SHISA9: variants seen among roughly 807,000 people sequenced by gnomAD.
SHISA9 encodes the protein protein shisa-9.
Under a neutral mutation model 38.0 loss-of-function variants are expected in SHISA9, and 13 were observed. The observed-to-expected ratio is 0.34, with a 90% CI of 0.22 to 0.54. SHISA9 has a LOEUF of 0.54. SHISA9 is among the 20% of genes least tolerant of loss of function. The pLI is 0.91. For synonymous variants in SHISA9, 275 were observed against 242.0 expected, an observed-to-expected ratio of 1.14 and a Z score of -1.27; for missense variants, 538 against 575.8, an observed-to-expected ratio of 0.93 and a Z score of 0.67.
At chr16:13,308,142 A>T in the SHISA9 span, among the ~76,000 whole-genome samples, 1 of 152,194 alleles carries the variant, frequency 6.6e-6, no homozygotes, top group East Asian at 1.9e-4. Flanking sequence ...CCACATGAGT[A>T]ATAGGACAGT....
the SHISA9 span, among the ~76,000 whole-genome samples, chr16:13,545,432 T>A: frequency 6.6e-6 from 1 of 152,192 alleles, no homozygotes; most frequent in East Asian, 1.9e-4. Flanking sequence ...TTTGAGCCAG[T>A]GAGCTAAAAC....
chr16:13,184,274 T>C (rs1461973461), intron 2 of SHISA9, among the ~76,000 whole-genome samples: 1 of 152,144 alleles, frequency 6.6e-6, no homozygotes, highest in African/African-American at 2.4e-5. Flanking sequence ...CCAGACTCTA[T>C]CACCGCTGGG....
chr16:13,258,419 G>A, the SHISA9 span: 2 of 152,168 alleles, frequency 1.3e-5, no homozygotes, highest in Non-Finnish European at 2.9e-5. Flanking sequence ...GTTGGTGAAG[G>A]ATATGGCATA....
chr16:12,934,673 A>G (rs923956644), intron 2 of SHISA9, among the ~76,000 whole-genome samples: 1 of 152,160 alleles, frequency 6.6e-6, no homozygotes, highest in Non-Finnish European at 1.5e-5. Flanking sequence ...AGTTTGCCCT[A>G]TGGACATTTC....
the SHISA9 span, among the ~76,000 whole-genome samples, chr16:13,333,963 G>A: frequency 2.0e-5 from 3 of 152,120 alleles, no homozygotes; most frequent in East Asian, 1.9e-4. Flanking sequence ...CTACAGCCAC[G>A]GAAGCTAAAA....
intron 1 of SHISA9, among the ~76,000 whole-genome samples, chr16:12,905,286 C>G (rs954243968): frequency 2.4e-4 from 37 of 152,186 alleles, no homozygotes; most frequent in African/African-American, 7.7e-4. Flanking sequence ...TTATGCATTA[C>G]CAGTCTCCTG....
intron 4 of SHISA9, among the ~76,000 whole-genome samples, chr16:13,225,207 C>T (rs1483415312): frequency 6.6e-6 from 1 of 152,162 alleles, no homozygotes; most frequent in Non-Finnish European, 1.5e-5. Context: ...CCAGCAACCA[C>T]CAGAAATTCG....
chr16:12,930,151 T>G (rs1308239512), intron 2 of SHISA9, among the ~76,000 whole-genome samples: 1 of 152,238 alleles, frequency 6.6e-6, no homozygotes, highest in Non-Finnish European at 1.5e-5. Flanking sequence ...CACTCCCTAC[T>G]GTATTCCCAG....
the SHISA9 span, among the ~76,000 whole-genome samples, chr16:13,376,519 G>T: frequency 6.6e-6 from 1 of 152,124 alleles, no homozygotes; most frequent in Admixed American, 6.6e-5. Flanking sequence ...AACCAGAGCT[G>T]TTTTTTTCCA....
At chr16:13,549,244 G>A in the SHISA9 span, among the ~76,000 whole-genome samples, 1 of 152,170 alleles carries the variant, frequency 6.6e-6, no homozygotes, top group Non-Finnish European at 1.5e-5. Context: ...GGGAGATGTA[G>A]GTCAGTGGGT....
At chr16:13,250,928 G>A in the SHISA9 span, among the ~76,000 whole-genome samples, 4 of 152,170 alleles carry the variant, frequency 2.6e-5, no homozygotes, top group Non-Finnish European at 5.9e-5. Flanking sequence ...ACACTTTGGG[G>A]ATTCTGATGC....
chr16:13,112,011 C>T (rs1002868861), intron 2 of SHISA9, among the ~76,000 whole-genome samples: 2 of 152,180 alleles, frequency 1.3e-5, no homozygotes, highest in African/African-American at 2.4e-5. Context: ...GTCTGTCTGA[C>T]TTTCGGGCCT....
the SHISA9 span, among the ~76,000 whole-genome samples, chr16:13,415,686 AAAACAG>A: frequency 6.6e-6 from 1 of 152,232 alleles, no homozygotes; most frequent in South Asian, 2.1e-4. Flanking sequence ...TAATATCTAG[AAAACAG>A]AATGGATTAT....
chr16:13,352,986 G>A, the SHISA9 span, among the ~76,000 whole-genome samples: 208 of 152,310 alleles, frequency 1.4e-3, no homozygotes, highest in African/African-American at 4.6e-3. Flanking sequence ...CCATCTGGGC[G>A]TATATGAGCC....
chr16:13,247,330 T>G, the SHISA9 span, among the ~76,000 whole-genome samples: 4 of 152,304 alleles, frequency 2.6e-5, no homozygotes, highest in South Asian at 8.3e-4. Context: ...TCAATCATCT[T>G]AATTAAACTT....
intron 2 of SHISA9, among the ~76,000 whole-genome samples, chr16:13,058,204 ATTTGGC>A (rs1420200685): frequency 1.3e-5 from 2 of 152,072 alleles, no homozygotes; most frequent in African/African-American, 4.8e-5. Flanking sequence ...GTGAATAACA[ATTTGGC>A]TTGCTTATTG....
At chr16:13,553,283 A>T in the SHISA9 span, among the ~76,000 whole-genome samples, 3 of 152,318 alleles carry the variant, frequency 2.0e-5, no homozygotes, top group African/African-American at 7.2e-5. Context: ...AGATTACTTG[A>T]CTAAGATGAC....
At chr16:12,920,786 A>C (rs756509694) in intron 2 of SHISA9, among the ~76,000 whole-genome samples, 9 of 152,182 alleles carry the variant, frequency 5.9e-5, no homozygotes, top group Non-Finnish European at 1.2e-4. Flanking sequence ...TTTTAGCTAA[A>C]CTGTAGACAT....
At chr16:12,914,272 C>G (rs1168858144) in intron 1 of SHISA9, among the ~76,000 whole-genome samples, 1 of 151,996 alleles carries the variant, frequency 6.6e-6, no homozygotes, top group Non-Finnish European at 1.5e-5. Context: ...TCTCGAACTC[C>G]TGACCTCGTG....
Sources: gnomAD v4.1 joint callset for allele counts (sites outside exome capture counted in the v4.1 genomes callset) on GRCh38, gnomAD v4.1.1 for gene constraint, MANE v1.5 for transcripts, NCBI Gene and HGNC (gene_info 2026-07-23, HGNC 2026-07-21) for gene names.